The following GRIP2 variants were observed in gnomAD, a reference collection of about 807,000 sequenced individuals.
The protein encoded by GRIP2 is glutamate receptor-interacting protein 2.
A neutral mutation model predicts 108.3 loss-of-function variants in GRIP2; 58 were observed. The ratio of observed to expected loss-of-function variants is 0.54; its 90% CI spans 0.43 to 0.67. The LOEUF is 0.67. Ranked by LOEUF, GRIP2 falls within the 30% of genes least tolerant of loss-of-function variation. The pLI is 0.00. For missense variants in GRIP2, 1,278 were observed against 1,430.6 expected, an observed-to-expected ratio of 0.89 and a Z score of 1.72; for synonymous variants, 586 against 598.2, an observed-to-expected ratio of 0.98 and a Z score of 0.30.
At chr3:14,515,088 G>A (rs2124900302) in intron 11 of GRIP2, among the ~76,000 whole-genome samples, 1 of 152,290 alleles carries the variant, frequency 6.6e-6, no homozygotes, top group South Asian at 2.1e-4. Context: ...ACAGAATCAT[G>A]CACCATGTGG....
the GRIP2 span, among the ~76,000 whole-genome samples, chr3:14,597,551 T>G: frequency 6.6e-6 from 1 of 152,072 alleles, no homozygotes; most frequent in Admixed American, 6.5e-5. Context: ...TTTTTTTATG[T>G]GTTTTGGTTT....
intron 1 of GRIP2, among the ~76,000 whole-genome samples, chr3:14,529,750 T>C (rs1273751570): frequency 6.6e-6 from 1 of 152,228 alleles, no homozygotes; most frequent in African/African-American, 2.4e-5. Flanking sequence ...GTATTTCTTC[T>C]GCCTAGTGTC....
rs1701379337 is a variant in GRIP2, at chr3:14,493,392, G to A, written c.*273C>T. 4.3e-6 allele frequency: 2 copies of A among 463,792 alleles called. No homozygotes were observed. Among genetic ancestry groups the A allele is most frequent in the South Asian group, 3.5e-5 (1 of 28,294 alleles). 28.7% of individuals were successfully genotyped at this position (463,792 alleles called of 1,614,324 possible). On this transcript the variant is annotated 3_prime_UTR_variant, in exon 24 of 24. Transcript: ENST00000621039. The stretch of plus-strand genomic sequence containing the variant: ...CTCTCTCCTCTCGGCTGAGCAGCCT[G>A]TGCCAACCCTTCTTAAGGGAGGCTC...
At chr3:14,555,954 T>C (rs1695231934) in exon 1 of GRIP2, 2 of 399,738 alleles carry the variant, frequency 5.0e-6, no homozygotes, top group Admixed American at 4.4e-5. Context: ...ACCGCCAGCA[T>C]TGTGCCCTCC....
the GRIP2 span, among the ~76,000 whole-genome samples, chr3:14,599,685 C>CTGTGTG: frequency 3.8e-3 from 489 of 127,542 alleles, 6 homozygotes; most frequent in African/African-American, 0.011. Context: ...CTCTCTCTCT[C>CTGTGTG]TGTGTGTGTG....
intron 12 of GRIP2, 24 bp downstream of exon 12, chr3:14,514,268 G>A: frequency 6.5e-7 from 1 of 1,532,538 alleles, no homozygotes; most frequent in Non-Finnish European, 8.8e-7. Context: ...GGCAGGCTCA[G>A]TAGGGAGGGG....
intron 1 of GRIP2, among the ~76,000 whole-genome samples, chr3:14,535,465 G>A (rs1379709230): frequency 6.6e-6 from 1 of 152,196 alleles, no homozygotes; most frequent in Non-Finnish European, 1.5e-5. Context: ...TCACCTTGTT[G>A]AAAGGTTTTC....
At chr3:14,527,421 G>GAAAGCA (rs1694590599) in intron 1 of GRIP2, among the ~76,000 whole-genome samples, 1 of 57,722 alleles carries the variant, frequency 1.7e-5, no homozygotes, top group Non-Finnish European at 4.9e-5. Context: ...AAAGCGAGGG[G>GAAAGCA]AGGGGAGGGG....
intron 19 of GRIP2, among the ~76,000 whole-genome samples, chr3:14,506,443 A>T (rs1693930029): frequency 6.6e-6 from 1 of 152,152 alleles, no homozygotes; most frequent in Admixed American, 6.5e-5. Context: ...TTTCAACTGG[A>T]TGGAATGAAC....
In GRIP2 at chr3:14,507,913, C is replaced by A. The variant is rs1400162327; in HGVS notation, c.2079-213G>T. On this transcript the variant is annotated intron_variant, in intron 17 of 23. Coordinates refer to ENST00000621039, the MANE Select transcript of GRIP2 (RefSeq NM_001080423.4). This position sits in a 1 kb window ranked among gnomAD's most constrained non-coding sequence, Gnocchi z 4.6. ...TCTAGAACCTGGGAGGGGATTGTCC[C>A]ACCTGACTGCAAAATTAGGTTCTGG... Among the ~76,000 whole-genome samples the A allele has an allele frequency of 6.6e-6, 1 of 152,196 alleles. No homozygotes were observed. The highest frequency in any genetic ancestry group is 1.5e-5 in the Non-Finnish European group (1 of 68,046).
the GRIP2 span, chr3:14,602,275 C>G: frequency 6.8e-6 from 1 of 147,182 alleles, no homozygotes; most frequent in Non-Finnish European, 1.5e-5. The surrounding 1 kb of genome is among the most constrained non-coding windows in gnomAD (Gnocchi z 4.7). Flanking sequence ...GGGAGCAGCC[C>G]GGGCGGCCCC....
chr3:14,530,405 C>T (rs1694679745), intron 1 of GRIP2, among the ~76,000 whole-genome samples: 1 of 134,948 alleles, frequency 7.4e-6, no homozygotes, highest in South Asian at 2.2e-4. Context: ...CATTTCTCTC[C>T]ATTTTTTGAG....
intron 7 of GRIP2, 147 bp from the exon 8 acceptor site, chr3:14,520,684 CT>C: frequency 9.1e-6 from 7 of 770,114 alleles, no homozygotes; most frequent in African/African-American, 1.8e-5. Flanking sequence ...CCTTTTCTTT[CT>C]TTTTTTATCT....
At chr3:14,535,324 T>C (rs1694809745) in intron 1 of GRIP2, among the ~76,000 whole-genome samples, 1 of 152,148 alleles carries the variant, frequency 6.6e-6, no homozygotes. Flanking sequence ...AAGTCACTTC[T>C]CTCTGAGCCT....
At chr3:14,583,107 T>C in the GRIP2 span, among the ~76,000 whole-genome samples, 2 of 152,210 alleles carry the variant, frequency 1.3e-5, no homozygotes, top group Non-Finnish European at 2.9e-5. Flanking sequence ...TAGGTTGTCA[T>C]TGCTCCCCTA....
At chr3:14,546,177 G>A (rs959216274), upstream of GRIP2, among the ~76,000 whole-genome samples, 6 of 152,206 alleles carry the variant, frequency 3.9e-5, no homozygotes, top group Admixed American at 3.9e-4. Context: ...ACTGCCTGGA[G>A]CTGGATGAGA....
At chr3:14,517,644 G>T in intron 10 of GRIP2, 128 bp downstream of exon 10, 1 of 1,238,902 alleles carries the variant, frequency 8.1e-7, no homozygotes, top group Non-Finnish European at 1.1e-6. Context: ...TGGGACCACA[G>T]GCGTGCACCA....
intron 11 of GRIP2, among the ~76,000 whole-genome samples, chr3:14,516,315 C>G (rs534772698): frequency 3.9e-5 from 6 of 152,240 alleles, no homozygotes; most frequent in African/African-American, 1.2e-4. Flanking sequence ...CTTCTTTCAC[C>G]TGGTTCTATC....
Position 14,489,764 on chromosome 3 carries a change from C to T in GRIP2, c.*3901G>A, listed in dbSNP as rs1701286770. 1 of 152,300 alleles carries T rather than the reference C, an allele frequency of 6.6e-6. No individual in the cohort carries two copies. The highest frequency in any genetic ancestry group is 2.1e-4 in the South Asian group (1 of 4,844). The allele number at this position is 152,300 out of a possible 1,614,324, so 9.4% of individuals were successfully genotyped here. On this transcript the variant is annotated 3_prime_UTR_variant, in exon 24 of 24. Transcript: ENST00000621039. Reference sequence around the variant, plus strand: ...GCTCACCTGCTGCGGCTTTCAGTCCCTCCTCTTTAGCCTTGGGCTGACCTG... The same window carrying T: ...GCTCACCTGCTGCGGCTTTCAGTCCTTCCTCTTTAGCCTTGGGCTGACCTG...
Sources: allele counts gnomAD v4.1 joint callset (sites outside exome capture counted in the v4.1 genomes callset), GRCh38; gene constraint gnomAD v4.1.1; non-coding constraint Gnocchi (gnomAD v3.1); transcripts MANE v1.5; gene names NCBI Gene and HGNC (gene_info 2026-07-23, HGNC 2026-07-21).